HAUS7: variants seen among roughly 807,000 people sequenced by gnomAD.
The protein encoded by HAUS7 is HAUS augmin-like complex subunit 7.
In HAUS7, 3 loss-of-function variants were observed where a neutral mutation model predicts 28.4. The ratio of observed to expected loss-of-function variants is 0.11; its 90% confidence interval spans 0.05 to 0.27. The LOEUF (loss-of-function observed/expected upper bound fraction) is 0.27, where lower values mean the gene tolerates loss of function less well. Ranked by LOEUF, HAUS7 falls within the 10% of genes least tolerant of loss-of-function variation. HAUS7 has a pLI of 1.00. For synonymous variants in HAUS7, 165 were observed against 132.1 expected (o/e 1.25, Z -1.71); for missense variants, 284 against 297.3 (o/e 0.96, Z 0.33).
At chrX:153,453,258 A>C (rs1158071013) in intron 9 of HAUS7, among the ~76,000 whole-genome samples, 2 of 111,723 alleles carry the variant, frequency 1.8e-5, no homozygotes, top group African/African-American at 6.5e-5. Context: ...GGTTGCCAGG[A>C]GTTGAGGCTA....
intron 1 of HAUS7, chrX:153,482,875 G>A (rs1482442372): frequency 5.4e-6 from 2 of 370,714 alleles, no homozygotes; most frequent in East Asian, 4.1e-4. Context: ...CCCTGCAGTT[G>A]AGCTGGAGCC....
chrX:153,447,986 G>A (rs2089184340), intron 9 of HAUS7, 77 bp from the exon 10 acceptor site: 8 of 781,071 alleles, frequency 1.0e-5, no homozygotes, highest in South Asian at 2.1e-5. Context: ...TCAGTGTGGC[G>A]ATTCCTCAGG....
intron 9 of HAUS7, among the ~76,000 whole-genome samples, chrX:153,452,710 C>T (rs782818711): frequency 8.0e-4 from 90 of 112,093 alleles, no homozygotes; most frequent in Non-Finnish European, 1.5e-3. Flanking sequence ...AGGCTGGGCG[C>T]GGTGGCTCAT....
upstream of HAUS7, chrX:153,470,816 C>A (rs2089515113): frequency 4.7e-6 from 2 of 425,095 alleles, no homozygotes; most frequent in Non-Finnish European, 8.5e-6. Context: ...GGGAAGGGGG[C>A]GGGGCGGACA....
intron 1 of HAUS7, among the ~76,000 whole-genome samples, chrX:153,494,403 G>A (rs11796997): frequency 0.28 from 30,916 of 111,284 alleles, 3,443 homozygotes; most frequent in Middle Eastern, 0.4. Flanking sequence ...AGAAAGTCTG[G>A]AGTGGAAGGG....
intron 1 of HAUS7, chrX:153,486,816 C>T (rs1170656242): frequency 1.9e-5 from 19 of 979,812 alleles, no homozygotes; most frequent in Middle Eastern, 2.9e-4. Flanking sequence ...CCTAGTCCTG[C>T]CTGCCGCCTT....
chrX:153,486,219 T>C (rs1430611821), intron 1 of HAUS7: 1 of 472,878 alleles, frequency 2.1e-6, no homozygotes, highest in Non-Finnish European at 3.0e-6. Context: ...TAGGACAGGC[T>C]GGCCTTTGGG....
chrX:153,480,060 T>C, intron 1 of HAUS7, among the ~76,000 whole-genome samples: 1 of 112,032 alleles, frequency 8.9e-6, no homozygotes, highest in Non-Finnish European at 1.9e-5. Flanking sequence ...AGCGACCCCT[T>C]CATCTCCCCA....
At chrX:153,457,304 C>T in intron 4 of HAUS7, 76 bp from the exon 5 acceptor site, 1 of 648,280 alleles carries the variant, frequency 1.5e-6, no homozygotes, top group Non-Finnish European at 2.5e-6. Flanking sequence ...AGTGCCCCTG[C>T]CCCCACATGC....
chrX:153,470,746 G>A, upstream of HAUS7: 1 of 578,972 alleles, frequency 1.7e-6, no homozygotes, highest in Non-Finnish European at 2.7e-6. Flanking sequence ...GCACCACCCA[G>A]AGGCAGGACC....
At chrX:153,473,793 C>T (rs1556985766), upstream of HAUS7, among the ~76,000 whole-genome samples, 1 of 111,789 alleles carries the variant, frequency 8.9e-6, no homozygotes, top group Non-Finnish European at 1.9e-5. Context: ...CCTCCCTCCC[C>T]GTCCTGTCCT....
At chrX:153,462,095 TTCA>T in intron 4 of HAUS7, 1 of 1,027,290 alleles carries the variant, frequency 9.7e-7, no homozygotes, top group Non-Finnish European at 1.3e-6. Flanking sequence ...AGAAAACGTG[TTCA>T]GTCAAAAATC....
Position 153,454,959 on chromosome X carries a change from A to C in HAUS7, c.931-451T>G, listed in dbSNP as rs782625920. Reference sequence around the variant, plus strand: ...CCTCTCGCTTAGAAAACCAAAATGAACATCACGGAATCCTTGAGCCAAGGG... The same window carrying C: ...CCTCTCGCTTAGAAAACCAAAATGACCATCACGGAATCCTTGAGCCAAGGG... On this transcript the variant is annotated intron_variant, in intron 8 of 9. Transcript: ENST00000370211. 5 of 1,018,070 alleles carry C rather than the reference A, an allele frequency of 4.9e-6. No individual in the cohort carries two copies. In the Admixed American group the frequency reaches 1.2e-4, roughly 25 times the overall value. The allele number at this position is 1,018,070 out of a possible 1,213,427, so 83.9% of individuals were successfully genotyped here.
intron 3 of HAUS7, 57 bp from the exon 4 acceptor site, chrX:153,462,728 G>T: frequency 1.1e-6 from 1 of 945,011 alleles, no homozygotes; most frequent in Non-Finnish European, 1.5e-6. Flanking sequence ...GCAGGGGACA[G>T]CAGACACCCA....
chrX:153,461,130 G>A (rs1299720318), intron 4 of HAUS7, among the ~76,000 whole-genome samples: 1 of 110,105 alleles, frequency 9.1e-6, no homozygotes, highest in Non-Finnish European at 1.9e-5. Context: ...GGAGGCGGCT[G>A]AACTTGCTCC....
chrX:153,480,455 AG>A, intron 1 of HAUS7: 1 of 349,971 alleles, frequency 2.9e-6, no homozygotes, highest in African/African-American at 2.8e-5. Flanking sequence ...GCTCCTCAGG[AG>A]GTAAGGGAAA....
intron 4 of HAUS7, among the ~76,000 whole-genome samples, chrX:153,460,145 G>C (rs1163422089): frequency 1.8e-5 from 2 of 112,318 alleles, no homozygotes; most frequent in African/African-American, 3.2e-5. Flanking sequence ...GACAAACCTT[G>C]AAAACCTTGT....
rs370247138 is a variant in HAUS7, at chrX:153,470,533, C to G, written c.25G>C (p.Gly9Arg). ...TCTGAGTAGTCGTCGCCGCCACGGC[C>G]GCAGCCAGCGTCCTGCCCCGCCATG... MAGQDAGC[G>R]RGGDDYSEDE... The change falls in exon 1 of 10, where the codon GGC becomes CGC. Residue 9 changes from glycine (G) to arginine (R), a missense_variant. Coordinates refer to ENST00000370211, the MANE Select transcript of HAUS7 (RefSeq NM_001385482.1). 7 of 1,194,386 alleles carry G rather than the reference C, an allele frequency of 5.9e-6. No homozygotes were observed. Among genetic ancestry groups the G allele is most frequent in the Non-Finnish European group, 7.9e-6 (7 of 887,479 alleles).
At chrX:153,470,387 C>A in intron 1 of HAUS7, 63 bp downstream of exon 1, 1 of 1,129,493 alleles carries the variant, frequency 8.9e-7, no homozygotes, top group Non-Finnish European at 1.2e-6. Context: ...CAAGCCCTCC[C>A]GGGCCTCGGG....
Sources: gnomAD v4.1 joint callset for allele counts (sites outside exome capture counted in the v4.1 genomes callset) on GRCh38, gnomAD v4.1.1 for gene constraint, MANE v1.5 for transcripts, NCBI Gene and HGNC (gene_info 2026-07-23, HGNC 2026-07-21) for gene names.